Variants in KATNIP observed in about 807,000 individuals in gnomAD.
KATNIP encodes katanin interacting protein.
Under a neutral mutation model 174.0 loss-of-function variants are expected in KATNIP, and 126 were observed. That is an observed-to-expected ratio of 0.72 (90% CI 0.63 to 0.84). The LOEUF is 0.84. KATNIP is among the 40% of genes least tolerant of loss of function. The probability of loss-of-function intolerance (pLI) is 0.00; values close to 1 mark genes in which losing one functional copy is unlikely to be tolerated. For synonymous variants in KATNIP, 810 were observed against 835.7 expected (o/e 0.97, Z 0.53); for missense variants, 1,958 against 2,109.7 (o/e 0.93, Z 1.41).
chr16:27,768,958 C>T (rs2082209099), intron 20 of KATNIP, among the ~76,000 whole-genome samples: 1 of 152,228 alleles, frequency 6.6e-6, no homozygotes, highest in African/African-American at 2.4e-5. Flanking sequence ...GAACCAGGCT[C>T]CAAAATCTGA....
intron 6 of KATNIP, among the ~76,000 whole-genome samples, chr16:27,651,940 G>A (rs1225990106): frequency 1.3e-5 from 2 of 152,132 alleles, no homozygotes; most frequent in Non-Finnish European, 2.9e-5. Flanking sequence ...GACTGGTCTC[G>A]AACTCCTGAC....
chr16:27,681,369 G>A (rs182766057), intron 7 of KATNIP, 30 bp from the exon 8 acceptor site: 121 of 1,613,782 alleles, frequency 7.5e-5, no homozygotes, highest in Admixed American at 3.0e-4. Flanking sequence ...TGCGCTCAGC[G>A]TCTTACATGA....
intron 15 of KATNIP, 49 bp from the exon 16 acceptor site, chr16:27,749,535 C>A: frequency 6.6e-7 from 1 of 1,510,992 alleles, no homozygotes; most frequent in South Asian, 1.4e-5. Context: ...TCCCCACTTC[C>A]ACACATGCCA....
chr16:27,754,440 AC>A, intron 18 of KATNIP, 189 bp downstream of exon 18: 1 of 586,570 alleles, frequency 1.7e-6, no homozygotes, highest in Non-Finnish European at 3.0e-6. Flanking sequence ...TAGCAGGGCC[AC>A]CTCACTCCAG....
At chr16:27,682,555 G>A (rs1174812312) in intron 8 of KATNIP, among the ~76,000 whole-genome samples, 1 of 152,194 alleles carries the variant, frequency 6.6e-6, no homozygotes, top group Non-Finnish European at 1.5e-5. Context: ...GATGTTACCA[G>A]GGGATGGATC....
intron 2 of KATNIP, among the ~76,000 whole-genome samples, chr16:27,606,850 G>C (rs1298562606): frequency 6.6e-6 from 1 of 152,020 alleles, no homozygotes; most frequent in Non-Finnish European, 1.5e-5. Context: ...ATAGGCATGA[G>C]CCATCGTGCC....
At chr16:27,713,854 A>ATATATATATATATATATATATATC (rs1555482296) in intron 13 of KATNIP, among the ~76,000 whole-genome samples, 1 of 69,314 alleles carries the variant, frequency 1.4e-5, no homozygotes, top group Non-Finnish European at 2.8e-5. Context: ...ATATATATAT[A>ATATATATATATATATATATATATC]TATCTATCTC....
Position 27,642,762 on chromosome 16 carries a change from T to TA in KATNIP, c.409-5842_409-5841insA, listed in dbSNP as rs201175978. Among the ~76,000 whole-genome samples, 601 of 142,926 alleles carry TA rather than the reference T, an allele frequency of 4.2e-3. 23 individuals carry two copies. In the East Asian group the frequency reaches 0.093, roughly 22 times the overall value. The allele number at this position is 142,926 out of a possible 152,430, so 93.8% of individuals were successfully genotyped here. A position where few individuals can be genotyped will look rare whatever the true frequency, so the allele number is the denominator to read the frequency against. On this transcript the variant is annotated intron_variant, in intron 5 of 27. Transcript: ENST00000261588. ...GGCTGGACACATTGTTTTTTAATTT[T>TA]TAAAAAATTTTTTTTTTTTTTTTTT...
In KATNIP at chr16:27,775,129, G is replaced by A. The variant is rs369052670; in HGVS notation, c.4449+45G>A. The A allele has an allele frequency of 5.2e-4, 822 of 1,585,710 alleles. No homozygotes were observed. The highest frequency in any genetic ancestry group is 5.5e-4 in the Non-Finnish European group (649 of 1,171,446). ...CACCGCAGCTCCTGGCCCTCAGGCGGGCAGGGGGACTTTCTTTCCCTGGTC... is the reference window on the plus strand; with the variant it reads ...CACCGCAGCTCCTGGCCCTCAGGCGAGCAGGGGGACTTTCTTTCCCTGGTC... On this transcript the variant is annotated intron_variant, in intron 24 of 27. Transcript: ENST00000261588.
intron 1 of KATNIP, among the ~76,000 whole-genome samples, chr16:27,550,797 A>G (rs2089323050): frequency 6.6e-6 from 1 of 152,190 alleles, no homozygotes; most frequent in Admixed American, 6.5e-5. Context: ...CCAAAGTCAA[A>G]CAACCAGCAT....
chr16:27,712,244 C>T (rs2079606707), intron 13 of KATNIP, among the ~76,000 whole-genome samples: 1 of 152,172 alleles, frequency 6.6e-6, no homozygotes, highest in South Asian at 2.1e-4. Flanking sequence ...GCTGCTGGGT[C>T]TCTGGGCTCA....
At chr16:27,589,754 A>G (rs16976883) in intron 2 of KATNIP, among the ~76,000 whole-genome samples, 1,831 of 151,996 alleles carry the variant, frequency 0.012, 50 homozygotes, top group African/African-American at 0.041. Flanking sequence ...GCCCTTCAGC[A>G]TGTTTTGATT....
intron 3 of KATNIP, among the ~76,000 whole-genome samples, chr16:27,626,527 G>A (rs2076338248): frequency 6.6e-6 from 1 of 152,208 alleles, no homozygotes; most frequent in South Asian, 2.1e-4. Flanking sequence ...TCTTCGTTTT[G>A]GTGTAGACTC....
intron 22 of KATNIP, among the ~76,000 whole-genome samples, chr16:27,772,583 G>GC (rs1180057260): frequency 6.6e-6 from 1 of 152,218 alleles, no homozygotes; most frequent in African/African-American, 2.4e-5. Context: ...CCGGCCCATG[G>GC]CCCCTGGCGC....
chr16:27,724,290 T>C (rs1325009367), intron 14 of KATNIP, among the ~76,000 whole-genome samples: 1 of 152,156 alleles, frequency 6.6e-6, no homozygotes, highest in East Asian at 1.9e-4. Flanking sequence ...CACCCTCTTC[T>C]GGAATGGGCA....
chr16:27,749,563 C>A (rs56675372), intron 15 of KATNIP, 21 bp from the exon 16 acceptor site: 7 of 1,520,732 alleles, frequency 4.6e-6, no homozygotes, highest in East Asian at 2.3e-5. Flanking sequence ...GGCTTCCCCC[C>A]TCTTGTGTCC....
chr16:27,769,840 G>A (rs1332103575), intron 20 of KATNIP, 21 bp from the exon 21 acceptor site: 1 of 1,611,610 alleles, frequency 6.2e-7, no homozygotes, highest in Admixed American at 1.7e-5. Flanking sequence ...CTTCAGTCAT[G>A]TTATTTCTTT....
chr16:27,654,579 C>G, intron 6 of KATNIP: 1 of 1,351,820 alleles, frequency 7.4e-7, no homozygotes, highest in African/African-American at 1.5e-5. Context: ...TTGTTTTTAC[C>G]ATGCCCAGTT....
At chr16:27,560,704 C>G (rs998249999) in intron 1 of KATNIP, among the ~76,000 whole-genome samples, 1 of 152,182 alleles carries the variant, frequency 6.6e-6, no homozygotes, top group Non-Finnish European at 1.5e-5. Flanking sequence ...TAGCTACTCC[C>G]CCATGGCAGG....
Sources: gnomAD v4.1 joint callset for allele counts (sites outside exome capture counted in the v4.1 genomes callset) on GRCh38, gnomAD v4.1.1 for gene constraint, MANE v1.5 for transcripts, NCBI Gene and HGNC (gene_info 2026-07-23, HGNC 2026-07-21) for gene names.